DNM2: variants seen among roughly 807,000 people sequenced by gnomAD.
DNM2 encodes dynamin-2.
Under a neutral mutation model 99.0 loss-of-function variants are expected in DNM2, and 15 were observed. The ratio of observed to expected loss-of-function variants is 0.15; its 90% CI spans 0.10 to 0.23. DNM2 has a LOEUF of 0.23. DNM2 is among the 10% of genes least tolerant of loss of function. The probability of loss-of-function intolerance (pLI) is 1.00; values close to 1 mark genes in which losing one functional copy is unlikely to be tolerated. For synonymous variants in DNM2, 525 were observed against 481.2 expected (o/e 1.09, Z -1.19); for missense variants, 742 against 1,189.4 (o/e 0.62, Z 5.53).
intron 14 of DNM2, chr19:10,808,885 T>TC (rs2072446266): frequency 2.8e-6 from 1 of 354,732 alleles, no homozygotes; most frequent in Admixed American, 4.5e-5. Flanking sequence ...CGCCCCTGCC[T>TC]CCCCTCACAT....
chr19:10,805,724 C>T (rs1199676082), intron 12 of DNM2, among the ~76,000 whole-genome samples, 192 bp from the exon 13 acceptor site: 1 of 152,134 alleles, frequency 6.6e-6, no homozygotes, highest in Non-Finnish European at 1.5e-5. Flanking sequence ...TCAATTGAAC[C>T]AGATACATTT....
chr19:10,747,596 C>T (rs984622023), intron 1 of DNM2, among the ~76,000 whole-genome samples: 1 of 152,170 alleles, frequency 6.6e-6, no homozygotes, highest in Non-Finnish European at 1.5e-5. Context: ...GTCTCCTCAT[C>T]TGTAAAATGG....
At position 10,820,033 on chromosome 19, in the gene DNM2, G is replaced by A. The variant is rs1322970848; in HGVS notation, c.1725G>A (p.Val575=). The A allele has an allele frequency of 1.2e-6, 2 of 1,614,172 alleles. No individual in the cohort carries two copies. Among genetic ancestry groups the A allele is most frequent in the Non-Finnish European group, 1.7e-6 (2 of 1,180,036 alleles). ...TGGACAACCTCAAGATCCGTGATGT[G>A]GAGAAGGGCTTCATGTCCAACAAGC... ...LPLDNLKIRD[V]EKGFMSNKHV... Residue 575 remains valine, a synonymous_variant, in exon 16 of 21, where the codon GTG becomes GTA. Transcript: ENST00000389253. This position sits in a 1 kb window ranked among gnomAD's most constrained non-coding sequence, Gnocchi z 4.3.
intron 2 of DNM2, among the ~76,000 whole-genome samples, chr19:10,768,066 A>C (rs2070855776): frequency 1.3e-5 from 2 of 152,288 alleles, no homozygotes; most frequent in Admixed American, 1.3e-4. Context: ...CCACTAGGGA[A>C]GAAACGGTTT....
chr19:10,809,276 G>A (rs1211950683), intron 14 of DNM2: 1 of 152,298 alleles, frequency 6.6e-6, no homozygotes, highest in Non-Finnish European at 1.5e-5. Context: ...CCTAGATGCT[G>A]CCTCTTGTCC....
intron 18 of DNM2, among the ~76,000 whole-genome samples, chr19:10,826,353 G>C (rs1277703706): frequency 2.0e-5 from 3 of 152,202 alleles, no homozygotes; most frequent in Non-Finnish European, 4.4e-5. Flanking sequence ...TACCCTGGTT[G>C]CAACCATACC....
chr19:10,758,229 A>G (rs1362904425), intron 1 of DNM2, among the ~76,000 whole-genome samples: 3 of 149,434 alleles, frequency 2.0e-5, no homozygotes, highest in African/African-American at 7.5e-5. Flanking sequence ...TGTGAAAGAC[A>G]TGGAATTGAT....
At chr19:10,759,491 G>T in intron 1 of DNM2, 1 of 578,928 alleles carries the variant, frequency 1.7e-6, no homozygotes, top group South Asian at 2.0e-5. Flanking sequence ...GGGAGTACGG[G>T]GGGTGGGGCA....
intron 13 of DNM2, among the ~76,000 whole-genome samples, chr19:10,808,075 G>A (rs2072414826): frequency 6.6e-6 from 1 of 151,834 alleles, no homozygotes; most frequent in Admixed American, 6.6e-5. Flanking sequence ...CCCAGGAGAT[G>A]GTGGTTGTGG....
intron 17 of DNM2, 34 bp downstream of exon 17, chr19:10,823,933 C>A: frequency 1.3e-6 from 2 of 1,598,532 alleles, no homozygotes; most frequent in Middle Eastern, 3.3e-4. Context: ...AGGCCCAGAG[C>A]CCCCACCTGG....
chr19:10,806,002 T>G (rs1325327903), intron 13 of DNM2, 35 bp downstream of exon 13: 8 of 1,613,442 alleles, frequency 5.0e-6, no homozygotes, highest in Non-Finnish European at 6.8e-6. Context: ...CGCTCTACCC[T>G]GGGGGCGGGA....
At chr19:10,742,617 C>T (rs1035233374) in intron 1 of DNM2, among the ~76,000 whole-genome samples, 5 of 152,200 alleles carry the variant, frequency 3.3e-5, no homozygotes, top group African/African-American at 1.2e-4. Context: ...GAAGCTGAGC[C>T]TGGCCTTCCT....
At chr19:10,735,056 T>C (rs949784666) in intron 1 of DNM2, among the ~76,000 whole-genome samples, 1 of 152,012 alleles carries the variant, frequency 6.6e-6, no homozygotes, top group African/African-American at 2.4e-5. Context: ...TTGTTTTTGT[T>C]TTTTTGAGAT....
chr19:10,756,547 C>T (rs986459172), intron 1 of DNM2, among the ~76,000 whole-genome samples: 9 of 152,164 alleles, frequency 5.9e-5, no homozygotes, highest in Admixed American at 3.9e-4. Context: ...GGGCACGTGG[C>T]GTGACAGGCC....
Position 10,795,297 on chromosome 19 carries a change from CG to C in DNM2, c.1129-74del. On this transcript the variant is annotated intron_variant, in intron 8 of 20. Transcript: ENST00000389253. This position sits in a 1 kb window ranked among gnomAD's most constrained non-coding sequence, Gnocchi z 4.2. ...GAATATAGCCACACGTGGGAGAGAA[CG>C]TTCCCCAGATGCACGCCTGCCACGG... 1 of 1,382,382 alleles carries C rather than the reference CG, an allele frequency of 7.2e-7. No homozygotes were observed. The highest frequency in any genetic ancestry group is 1.2e-5 in the South Asian group (1 of 86,438). The allele number at this position is 1,382,382 out of a possible 1,614,324, so 85.6% of individuals were successfully genotyped here. A position where few individuals can be genotyped will look rare whatever the true frequency, so the allele number is the denominator to read the frequency against.
At chr19:10,807,022 G>A (rs1265547750) in intron 13 of DNM2, among the ~76,000 whole-genome samples, 1 of 152,036 alleles carries the variant, frequency 6.6e-6, no homozygotes, top group Admixed American at 6.6e-5. Flanking sequence ...CCCAGCTAGA[G>A]GCCTTGTGAA....
At position 10,812,225 on chromosome 19, in the gene DNM2, G is replaced by T; in HGVS notation, c.1558-39G>T. 6.5e-7 allele frequency: 1 copy of T among 1,535,450 alleles called. No individual in the cohort carries two copies. The highest frequency in any genetic ancestry group is 8.8e-7 in the Non-Finnish European group (1 of 1,133,200). ...CTGCGCTGGGGGATGGCTGGGGCACGGAGCGAGGTTCCCTGCTAAGCTGCG... is the reference window on the plus strand; with the variant it reads ...CTGCGCTGGGGGATGGCTGGGGCACTGAGCGAGGTTCCCTGCTAAGCTGCG... On this transcript the variant is annotated intron_variant, in intron 14 of 20. Transcript: ENST00000389253. The surrounding 1 kb of genome is among the most constrained non-coding windows in gnomAD (Gnocchi z 4.0).
At chr19:10,724,465 C>G (rs1332525197) in intron 1 of DNM2, among the ~76,000 whole-genome samples, 1 of 152,176 alleles carries the variant, frequency 6.6e-6, no homozygotes, top group Non-Finnish European at 1.5e-5. Flanking sequence ...GCGTGAGCCA[C>G]TGCGCCTGGC....
intron 1 of DNM2, among the ~76,000 whole-genome samples, chr19:10,729,462 T>C (rs2069234376): frequency 6.6e-6 from 1 of 151,980 alleles, no homozygotes; most frequent in African/African-American, 2.4e-5. Flanking sequence ...ATGTGGCTTG[T>C]TGGGATGGGT....
Sources: allele counts gnomAD v4.1 joint callset (sites outside exome capture counted in the v4.1 genomes callset), GRCh38; gene constraint gnomAD v4.1.1; non-coding constraint Gnocchi (gnomAD v3.1); transcripts MANE v1.5; gene names NCBI Gene and HGNC (gene_info 2026-07-23, HGNC 2026-07-21).